MELK: variants seen among roughly 807,000 people sequenced by gnomAD.
MELK encodes the protein pEg3 kinase.
Under a neutral mutation model 85.0 loss-of-function variants are expected in MELK, and 81 were observed. The ratio of observed to expected loss-of-function variants is 0.95; its 90% CI spans 0.80 to 1.15. MELK has a LOEUF of 1.15. MELK is among the 50% of genes most tolerant of loss of function. The pLI, the probability that MELK is intolerant of heterozygous loss-of-function variation, is 0.00. For synonymous variants in MELK, 252 were observed against 265.0 expected (o/e 0.95, Z 0.48); for missense variants, 754 against 777.5 (o/e 0.97, Z 0.36).
intron 8 of MELK, among the ~76,000 whole-genome samples, chr9:36,625,970 A>C (rs572834766): frequency 6.6e-6 from 1 of 152,314 alleles, no homozygotes; most frequent in Non-Finnish European, 1.5e-5. Context: ...GAATTGGTCT[A>C]TGACAAACTC....
chr9:36,573,975 A>G (rs1226501363), intron 1 of MELK, among the ~76,000 whole-genome samples: 1 of 152,086 alleles, frequency 6.6e-6, no homozygotes, highest in Non-Finnish European at 1.5e-5. Context: ...TACCTTTGGT[A>G]TTTCTCCTTT....
rs1330125815 is a variant in MELK at position 36,670,614 on chromosome 9, T to C, written c.1506-384T>C. 2.0e-5 allele frequency among the ~76,000 whole-genome samples: 3 copies of C among 151,612 alleles called. No individual in the cohort carries two copies. In the East Asian group the frequency reaches 5.8e-4, roughly 29 times the overall value. On this transcript the variant is annotated intron_variant, in intron 15 of 17. Coordinates refer to ENST00000298048, the MANE Select transcript of MELK (RefSeq NM_014791.4). Reference sequence around the variant, plus strand: ...ATATCAGTGTATATCTATATACATATGTACATTAATATATTATCTATATCC... The same window carrying C: ...ATATCAGTGTATATCTATATACATACGTACATTAATATATTATCTATATCC...
At chr9:36,587,091 C>A (rs1472255177) in intron 3 of MELK, among the ~76,000 whole-genome samples, 3 of 151,994 alleles carry the variant, frequency 2.0e-5, no homozygotes, top group Admixed American at 6.6e-5. Flanking sequence ...CCTCTTGGTC[C>A]GTCTGCCTCA....
intron 15 of MELK, 129 bp downstream of exon 15, chr9:36,669,535 A>G: frequency 1.6e-6 from 1 of 634,120 alleles, no homozygotes; most frequent in Non-Finnish European, 2.5e-6. Context: ...ATATCTGTTT[A>G]TGTGTGGATG....
At position 36,651,869 on chromosome 9, in the gene MELK, G is replaced by C; in HGVS notation, c.1045G>C (p.Asp349His). 6.2e-7 allele frequency: 1 copy of C among 1,613,504 alleles called. No individual in the cohort carries two copies. Among genetic ancestry groups the C allele is most frequent in the Non-Finnish European group, 8.5e-7 (1 of 1,179,736 alleles). The change falls in exon 12 of 18, where the codon GAC becomes CAC. Residue 349 changes from aspartate (D) to histidine (H), a missense_variant. Physicochemically the swap from Asp to His is moderately conservative, Grantham distance 81. Transcript: ENST00000298048. ...ACAAGCCAGTGCTACCCCATTCACA[G>C]ACATCAAGGTAAGTGTTACTGCCTG... ...CGQASATPFT[D>H]IKSNNWSLED...
intron 9 of MELK, among the ~76,000 whole-genome samples, chr9:36,632,006 A>G (rs1828687367): frequency 6.6e-6 from 1 of 152,192 alleles, no homozygotes. Context: ...GATACTGAAT[A>G]AATACTTGAA....
chr9:36,621,275 GA>G (rs74181196), intron 8 of MELK, among the ~76,000 whole-genome samples: 5 of 32,442 alleles, frequency 1.5e-4, no homozygotes, highest in East Asian at 1.2e-3. Flanking sequence ...CTGTCTCAGG[GA>G]AAAAAAAAAA....
intron 8 of MELK, among the ~76,000 whole-genome samples, chr9:36,621,375 C>T (rs1197786135): frequency 7.7e-6 from 1 of 130,522 alleles, no homozygotes; most frequent in Non-Finnish European, 1.6e-5. Context: ...TAGTTTTATT[C>T]TGTTTCAGCT....
At chr9:36,577,876 C>T (rs995568930) in intron 1 of MELK, among the ~76,000 whole-genome samples, 2 of 151,940 alleles carry the variant, frequency 1.3e-5, no homozygotes, top group African/African-American at 4.8e-5. Context: ...TGGTCTTGAA[C>T]TCCCGACCTC....
rs149395549 is a variant in MELK, at chr9:36,593,971, C to T, written c.262-657C>T. ...ACAGGCCTGAGCCACGGCGCCTGGCCAAAGTACTGTTTTTTGATATGAGTG... is the reference window on the plus strand; with the variant it reads ...ACAGGCCTGAGCCACGGCGCCTGGCTAAAGTACTGTTTTTTGATATGAGTG... On this transcript the variant is annotated intron_variant, in intron 4 of 17. Transcript: ENST00000298048. Among the ~76,000 whole-genome samples, 42 of 152,270 alleles carry T rather than the reference C, an allele frequency of 2.8e-4. 1 individual carries two copies. Among genetic ancestry groups the T allele is most frequent in the Middle Eastern group, 3.4e-3 (1 of 294 alleles).
In MELK at chr9:36,621,215, T is replaced by G. The variant is rs1393575217; in HGVS notation, c.667-9084T>G. ...TGAACCTGGGAGGCGGAGGTTGCCA[T>G]GAGGTGAGATCACGCCTCTGCCCTC... On this transcript the variant is annotated intron_variant, in intron 8 of 17. Coordinates refer to ENST00000298048, the MANE Select transcript of MELK (RefSeq NM_014791.4). Among the ~76,000 whole-genome samples the G allele has an allele frequency of 1.4e-4, 18 of 131,806 alleles. 1 individual carries two copies. The highest frequency in any genetic ancestry group is 4.6e-4 in the African/African-American group (16 of 35,012). The allele number at this position is 131,806 out of a possible 152,430, so 86.5% of individuals were successfully genotyped here.
intron 1 of MELK, among the ~76,000 whole-genome samples, chr9:36,579,201 A>G (rs893697520): frequency 6.6e-6 from 1 of 152,126 alleles, no homozygotes; most frequent in Non-Finnish European, 1.5e-5. Flanking sequence ...CTAATTTTGT[A>G]TTTTTAGTAG....
rs1251302677 is a variant in MELK, at chr9:36,598,154, C to CT, written c.474+870dup. ...GCTCTTTAGAAACTATAAGTGGAAC[C>CT]TTTTTTCTGGGAACCAAATGCTAGA... On this transcript the variant is annotated intron_variant, in intron 6 of 17. Transcript: ENST00000298048. Among the ~76,000 whole-genome samples, 4 of 149,426 alleles carry CT rather than the reference C, an allele frequency of 2.7e-5. No homozygotes were observed. The East Asian group carries it at 7.8e-4, about 29-fold the overall frequency.
At chr9:36,673,044 C>G (rs1323334762) in intron 16 of MELK, among the ~76,000 whole-genome samples, 5 of 151,918 alleles carry the variant, frequency 3.3e-5, no homozygotes, top group African/African-American at 1.2e-4. Flanking sequence ...GAAATAATAC[C>G]TTAGTTTTTT....
At chr9:36,665,606 T>G in intron 14 of MELK, 25 bp downstream of exon 14, 1 of 1,540,250 alleles carries the variant, frequency 6.5e-7, no homozygotes, top group Non-Finnish European at 8.9e-7. Flanking sequence ...AATTAAGCAG[T>G]AAGAAGTTTC....
At chr9:36,654,929 G>T (rs189556134) in intron 12 of MELK, among the ~76,000 whole-genome samples, 13 of 152,278 alleles carry the variant, frequency 8.5e-5, no homozygotes, top group African/African-American at 3.1e-4. Context: ...AAGTCACATA[G>T]TCTGGTTGTA....
rs115142044 is a variant in MELK at position 36,609,761 on chromosome 9, C to T, written c.666+2088C>T. On this transcript the variant is annotated intron_variant, in intron 8 of 17. Transcript: ENST00000298048. ...GCTACTGTGCCTGGCCTTCTGAATG[C>T]TTCTTGAATCCAATTCTGTTTAACA... 5.1e-3 allele frequency among the ~76,000 whole-genome samples: 778 copies of T among 152,274 alleles called. 12 individuals carry two copies. The highest frequency in any genetic ancestry group is 0.017 in the African/African-American group (721 of 41,570).
chr9:36,642,983 A>ATT lies in MELK; in HGVS notation c.835-6_835-5dup. 6.4e-7 allele frequency: 1 copy of ATT among 1,568,504 alleles called. No homozygotes were observed. Among genetic ancestry groups the ATT allele is most frequent in the Non-Finnish European group, 8.7e-7 (1 of 1,151,996 alleles). ...TAATTTTTTGTTAATAAAGTGCATA[A>ATT]TTTTTTTTTGTAGTTTATTCACCTC... is the stretch of plus-strand genomic sequence containing the variant. On this transcript the variant is annotated splice_polypyrimidine_tract_variant and intron_variant, in intron 10 of 17. Transcript: ENST00000298048.
intron 8 of MELK, among the ~76,000 whole-genome samples, chr9:36,613,640 T>C (rs997060784): frequency 1.1e-4 from 16 of 152,142 alleles, no homozygotes; most frequent in African/African-American, 3.9e-4. Context: ...CAGGATAAAC[T>C]TCATGGAGGC....
Sources: allele counts gnomAD v4.1 joint callset (sites outside exome capture counted in the v4.1 genomes callset), GRCh38; gene constraint gnomAD v4.1.1; transcripts MANE v1.5; gene names NCBI Gene and HGNC (gene_info 2026-07-23, HGNC 2026-07-21).